EPG5: variants seen among roughly 807,000 people sequenced by gnomAD.
EPG5 encodes the protein ectopic P-granules 5 autophagy tethering factor, also known as ectopic P granules protein 5 homolog.
EPG5 carries 159 observed loss-of-function variants against 302.7 expected under a neutral mutation model. The ratio of observed to expected loss-of-function variants is 0.53; its 90% CI spans 0.46 to 0.60. The LOEUF (loss-of-function observed/expected upper bound fraction) is 0.60. Ranked by LOEUF, EPG5 falls within the 20% of genes least tolerant of loss-of-function variation. EPG5 has a pLI of 0.00. For synonymous variants in EPG5, 1,158 were observed against 1,136.8 expected (o/e 1.02, Z -0.37); for missense variants, 2,896 against 3,092.4 (o/e 0.94, Z 1.51).
At chr18:45,847,527 TA>T (rs1483423918), downstream of EPG5, 1 of 152,284 alleles carries the variant, frequency 6.6e-6, no homozygotes, top group African/African-American at 2.4e-5. Flanking sequence ...GTTTCTCATA[TA>T]AAATTTTTCT....
At chr18:45,853,436 A>G (rs558572105) in intron 43 of EPG5, among the ~76,000 whole-genome samples, 18 of 152,336 alleles carry the variant, frequency 1.2e-4, no homozygotes, top group African/African-American at 3.6e-4. Flanking sequence ...TGGAGAAAAC[A>G]AAAAATCAAC....
chr18:45,916,685 T>G, intron 17 of EPG5, 103 bp from the exon 18 acceptor site: 1 of 1,245,580 alleles, frequency 8.0e-7, no homozygotes, highest in Non-Finnish European at 1.1e-6. Context: ...ATTGGTCCCA[T>G]TTTTCGACCA....
chr18:45,906,655 ATTTTTTT>A lies in EPG5; in HGVS notation c.4329+1296_4329+1302del, dbSNP rs557629428. On this transcript the variant is annotated intron_variant, in intron 24 of 43. Transcript: ENST00000282041. ...GTACCCTGTGCATTCCACTCTCGTA[ATTTTTTT>A]TTTTTTTTAAGACAGGGTCTCTCTC... is the stretch of plus-strand genomic sequence containing the variant. 1.8e-3 allele frequency among the ~76,000 whole-genome samples: 256 copies of A among 143,598 alleles called. 2 individuals carry two copies. The highest frequency in any genetic ancestry group is 6.2e-3 in the African/African-American group (244 of 39,322). 94.2% of individuals were successfully genotyped at this position (143,598 alleles called of 152,430 possible). A position where few individuals can be genotyped will look rare whatever the true frequency, so the allele number is the denominator to read the frequency against.
At chr18:45,814,653 T>C in the EPG5 span, among the ~76,000 whole-genome samples, 1 of 152,138 alleles carries the variant, frequency 6.6e-6, no homozygotes, top group East Asian at 1.9e-4. Flanking sequence ...GTGTTAGAGG[T>C]TGAAGGGTCC....
chr18:45,860,294 G>A lies in EPG5; in HGVS notation c.6819C>T (p.Val2273=). The A allele has an allele frequency of 6.2e-7, 1 of 1,614,220 alleles. No homozygotes were observed. Among genetic ancestry groups the A allele is most frequent in the Non-Finnish European group, 8.5e-7 (1 of 1,180,042 alleles). ...HMALSSLFME[V]LMMMNNATIP... is the part of the protein sequence containing the mutation. ...TAGTCGCGTTGTTCATCATCATCAG[G>A]ACTTCCATAAAGAGGCTGCTGAGGG... The change falls in exon 40 of 44, where the codon GTC becomes GTT. Residue 2273 remains valine (V), a synonymous_variant. Coordinates refer to ENST00000282041, the MANE Select transcript of EPG5 (RefSeq NM_020964.3).
Position 45,860,296 on chromosome 18 carries a change from C to T in EPG5, c.6817G>A (p.Val2273Ile). The change falls in exon 40 of 44, where the codon GTC becomes ATC. Residue 2273 changes from valine to isoleucine, a missense_variant. Transcript: ENST00000282041. ...GTCGCGTTGTTCATCATCATCAGGA[C>T]TTCCATAAAGAGGCTGCTGAGGGCC... Reference protein sequence around the residue: ...HMALSSLFMEVLMMMNNATIP... With the variant: ...HMALSSLFMEILMMMNNATIP... The T allele has an allele frequency of 1.2e-6, 2 of 1,614,232 alleles. No homozygotes were observed. The highest frequency in any genetic ancestry group is 1.7e-6 in the Non-Finnish European group (2 of 1,180,046).
intron 27 of EPG5, among the ~76,000 whole-genome samples, chr18:45,894,275 C>G (rs7238229): frequency 0.2 from 30,870 of 151,852 alleles, 3,455 homozygotes; most frequent in Admixed American, 0.31. Context: ...GCCTGGCCAA[C>G]ATGGTGAAAC....
At chr18:45,803,870 C>T in the EPG5 span, among the ~76,000 whole-genome samples, 7 of 152,190 alleles carry the variant, frequency 4.6e-5, no homozygotes, top group African/African-American at 1.4e-4. Flanking sequence ...CACAATATGA[C>T]ATTCACAATA....
chr18:45,966,233 G>A lies in EPG5; in HGVS notation c.63+944C>T, dbSNP rs200611913. On this transcript the variant is annotated intron_variant, in intron 1 of 43. Transcript: ENST00000282041. ...TAAAAATACAAAAAATTAGCCGGGCGTGGTGGCAGGCGCCTGTAGTCCCAG... is the reference window on the plus strand; with the variant it reads ...TAAAAATACAAAAAATTAGCCGGGCATGGTGGCAGGCGCCTGTAGTCCCAG... 4.0e-5 allele frequency among the ~76,000 whole-genome samples: 6 copies of A among 151,652 alleles called. No homozygotes were observed. The South Asian group carries it at 1.2e-3, about 32-fold the overall frequency.
At chr18:45,837,240 G>C in the EPG5 span, 7 of 1,366,542 alleles carry the variant, frequency 5.1e-6, no homozygotes, top group Non-Finnish European at 6.8e-6. Flanking sequence ...ATTAGGAAAC[G>C]AAGAGGGGAA....
chr18:45,827,379 C>T, the EPG5 span, among the ~76,000 whole-genome samples: 1 of 152,200 alleles, frequency 6.6e-6, no homozygotes, highest in Non-Finnish European at 1.5e-5. Context: ...GCCATGGACC[C>T]TTGGTAGGCA....
downstream of EPG5, among the ~76,000 whole-genome samples, chr18:45,847,306 C>A (rs1049864609): frequency 1.3e-5 from 2 of 152,134 alleles, no homozygotes; most frequent in Non-Finnish European, 2.9e-5. Context: ...CCAGAAGCAC[C>A]CCCACTCCCA....
chr18:45,858,889 G>C (rs1173343764), intron 40 of EPG5, 107 bp from the exon 41 acceptor site: 8 of 789,232 alleles, frequency 1.0e-5, no homozygotes, highest in Non-Finnish European at 1.7e-5. Flanking sequence ...TTTTGACATA[G>C]CAACCTATGA....
intron 11 of EPG5, among the ~76,000 whole-genome samples, chr18:45,934,423 T>C (rs1408623980): frequency 6.6e-6 from 1 of 152,126 alleles, no homozygotes; most frequent in East Asian, 1.9e-4. Flanking sequence ...ACAATACAAC[T>C]TTAAAAAAAC....
At chr18:45,953,155 A>G (rs2050949650) in intron 2 of EPG5, 1 of 393,834 alleles carries the variant, frequency 2.5e-6, no homozygotes, top group Admixed American at 6.4e-5. Context: ...CCTGGGCGAC[A>G]GAGCTAGACT....
intron 11 of EPG5, among the ~76,000 whole-genome samples, chr18:45,933,875 T>A (rs950720995): frequency 2.0e-5 from 3 of 152,180 alleles, no homozygotes; most frequent in African/African-American, 7.2e-5. Flanking sequence ...TGTTTTTTTT[T>A]AGTCTTGTAT....
the EPG5 span, among the ~76,000 whole-genome samples, chr18:45,823,953 G>A: frequency 2.6e-5 from 4 of 152,232 alleles, no homozygotes; most frequent in South Asian, 4.1e-4. Flanking sequence ...TATATCTGGG[G>A]GAGGAGAGGA....
At chr18:45,827,992 C>T in the EPG5 span, among the ~76,000 whole-genome samples, 1 of 152,184 alleles carries the variant, frequency 6.6e-6, no homozygotes, top group Non-Finnish European at 1.5e-5. Flanking sequence ...ATTTTCTTTA[C>T]AAACAGCAGC....
intron 2 of EPG5, chr18:45,953,151 C>T (rs1031165899): frequency 9.4e-5 from 35 of 372,500 alleles, no homozygotes; most frequent in Admixed American, 5.8e-4. Flanking sequence ...CCAGCCTGGG[C>T]GACAGAGCTA....
Sources: allele counts gnomAD v4.1 joint callset (sites outside exome capture counted in the v4.1 genomes callset), GRCh38; gene constraint gnomAD v4.1.1; transcripts MANE v1.5; gene names NCBI Gene and HGNC (gene_info 2026-07-23, HGNC 2026-07-21).